C8orf88: variants seen among roughly 807,000 people sequenced by gnomAD.
The protein encoded by C8orf88 is chromosome 8 open reading frame 88.
C8orf88 carries 14 observed loss-of-function variants against 18.4 expected under a neutral mutation model. The observed-to-expected ratio is 0.76, with a 90% CI of 0.50 to 1.19. The LOEUF (loss-of-function observed/expected upper bound fraction) is 1.19, where lower values mean the gene tolerates loss of function less well. Among genes scored for constraint, C8orf88 ranks in the 50% most tolerant of loss-of-function variants. The pLI is 0.00. For missense variants in C8orf88, 116 were observed against 134.7 expected, an observed-to-expected ratio of 0.86 and a Z score of 0.69; for synonymous variants, 45 against 42.9, an observed-to-expected ratio of 1.05 and a Z score of -0.19.
intron 4 of C8orf88, among the ~76,000 whole-genome samples, chr8:90,969,728 A>G (rs1376088838): frequency 1.3e-5 from 2 of 151,920 alleles, no homozygotes; most frequent in Non-Finnish European, 2.9e-5. Flanking sequence ...GTTGCACAAC[A>G]ATTGTGAATG....
chr8:90,973,733 C>T (rs1386308607), intron 3 of C8orf88, among the ~76,000 whole-genome samples: 1 of 152,140 alleles, frequency 6.6e-6, no homozygotes, highest in Non-Finnish European at 1.5e-5. Flanking sequence ...ATCCTCCCAC[C>T]TCAGCCTTCC....
At chr8:90,973,218 C>T (rs934164507) in intron 3 of C8orf88, among the ~76,000 whole-genome samples, 1 of 152,092 alleles carries the variant, frequency 6.6e-6, no homozygotes, top group African/African-American at 2.4e-5. Context: ...CCAGGAAAGG[C>T]TTTACATAGG....
Position 90,980,463 on chromosome 8 carries a change from TAGA to T in C8orf88, c.-26-5_-26-3del. 7.4e-7 allele frequency: 1 copy of T among 1,353,726 alleles called. No homozygotes were observed. Among genetic ancestry groups the T allele is most frequent in the Non-Finnish European group, 1.0e-6 (1 of 997,690 alleles). 83.9% of individuals were successfully genotyped at this position (1,353,726 alleles called of 1,614,324 possible). ...TCACAAAGACTTTGAGGTTCCATACTAGAAGACAAAAAAATACATTTTTATCTT... is the reference window on the plus strand; with the variant it reads ...TCACAAAGACTTTGAGGTTCCATACTAGACAAAAAAATACATTTTTATCTT... On this transcript the variant is annotated splice_polypyrimidine_tract_variant and splice_region_variant and intron_variant, in intron 1 of 5. Transcript: ENST00000517562.
At chr8:90,972,551 T>C (rs1412530028) in intron 3 of C8orf88, among the ~76,000 whole-genome samples, 5 of 152,028 alleles carry the variant, frequency 3.3e-5, no homozygotes, top group South Asian at 2.1e-4. Context: ...TCTGTACATA[T>C]TAAAAACTTA....
chr8:90,973,490 T>C (rs979306892), intron 3 of C8orf88, among the ~76,000 whole-genome samples: 8 of 152,244 alleles, frequency 5.3e-5, no homozygotes, highest in African/African-American at 1.7e-4. Context: ...TTAGACTTTT[T>C]GTATTTTTTT....
At position 90,985,132 on chromosome 8, in the gene C8orf88, G is replaced by A. The variant is rs1442386173; in HGVS notation, c.-45C>T. 6.6e-6 allele frequency: 1 copy of A among 152,136 alleles called. No homozygotes were observed. Among genetic ancestry groups the A allele is most frequent in the African/African-American group, 2.4e-5 (1 of 41,456 alleles). 9.4% of individuals were successfully genotyped at this position (152,136 alleles called of 1,614,324 possible). On this transcript the variant is annotated 5_prime_UTR_variant, in exon 1 of 6. Transcript: ENST00000517562. ...CACTTACCGACTCAAAATCCACGGG[G>A]ATTTCGGGGCAGCAGCGTCGCCGCG...
intron 1 of C8orf88, among the ~76,000 whole-genome samples, chr8:90,984,858 GC>G (rs1245295778): frequency 6.6e-6 from 1 of 152,092 alleles, no homozygotes; most frequent in Non-Finnish European, 1.5e-5. Flanking sequence ...TCGGCCACTT[GC>G]CCCTCCGTCG....
rs975915109 is a variant in C8orf88, at chr8:90,958,530, A to G, written c.*477T>C. 1 of 152,712 alleles carries G rather than the reference A, an allele frequency of 6.5e-6. No individual in the cohort carries two copies. Among genetic ancestry groups the G allele is most frequent in the South Asian group, 2.0e-4 (1 of 4,900 alleles). 9.5% of individuals were successfully genotyped at this position (152,712 alleles called of 1,614,324 possible). On this transcript the variant is annotated 3_prime_UTR_variant, in exon 6 of 6. Coordinates refer to ENST00000517562, the MANE Select transcript of C8orf88 (RefSeq NM_001190972.2). The stretch of plus-strand genomic sequence containing the variant: ...GCATTGAACATTCTGAATCATTCTA[A>G]GCCTCTGGAGAGACTGTAATGATCC...
intron 1 of C8orf88, among the ~76,000 whole-genome samples, chr8:90,981,962 T>C (rs967644983): frequency 3.3e-5 from 5 of 152,160 alleles, no homozygotes; most frequent in Admixed American, 6.5e-5. Flanking sequence ...TAGTAACCCT[T>C]TAAGTTCCCA....
At chr8:90,962,730 C>T (rs752098263) in intron 4 of C8orf88, among the ~76,000 whole-genome samples, 2 of 151,264 alleles carry the variant, frequency 1.3e-5, no homozygotes, top group Non-Finnish European at 3.0e-5. Context: ...CCTGAGGAAC[C>T]ATCTTGAGAA....
chr8:90,968,138 G>A (rs941827354), intron 4 of C8orf88, among the ~76,000 whole-genome samples: 11 of 151,598 alleles, frequency 7.3e-5, no homozygotes, highest in African/African-American at 2.7e-4. Flanking sequence ...AAAGAACAAA[G>A]TTAGAAGACT....
At chr8:90,983,882 G>C (rs1811469121) in intron 1 of C8orf88, among the ~76,000 whole-genome samples, 1 of 152,070 alleles carries the variant, frequency 6.6e-6, no homozygotes, top group Non-Finnish European at 1.5e-5. Context: ...ATTACATGTG[G>C]ACACTGCGTG....
chr8:90,977,362 A>G (rs983516041), intron 3 of C8orf88, among the ~76,000 whole-genome samples: 4 of 152,212 alleles, frequency 2.6e-5, no homozygotes, highest in Non-Finnish European at 5.9e-5. Flanking sequence ...CAAAAAGTTG[A>G]AATTAAGAAT....
At position 90,985,157 on chromosome 8, in the gene C8orf88, G is replaced by C. The variant is rs1327029620; in HGVS notation, c.-70C>G. The C allele has an allele frequency of 2.6e-5, 4 of 151,854 alleles. No individual in the cohort carries two copies. The highest frequency in any genetic ancestry group is 4.4e-5 in the Non-Finnish European group (3 of 67,942). 9.4% of individuals were successfully genotyped at this position (151,854 alleles called of 1,614,324 possible). A position where few individuals can be genotyped will look rare whatever the true frequency, so the allele number is the denominator to read the frequency against. On this transcript the variant is annotated 5_prime_UTR_variant, in exon 1 of 6. Coordinates refer to ENST00000517562, the MANE Select transcript of C8orf88 (RefSeq NM_001190972.2). ...GATTTCGGGGCAGCAGCGTCGCCGC[G>C]CTCAGCCCACACGCGGAGGCCGAGC...
chr8:90,962,614 A>G (rs1811144854), intron 4 of C8orf88, among the ~76,000 whole-genome samples: 1 of 149,258 alleles, frequency 6.7e-6, no homozygotes, highest in Non-Finnish European at 1.5e-5. Flanking sequence ...ATGGCCTTGA[A>G]GACAACAGCC....
At chr8:90,959,919 C>A (rs914710583) in intron 5 of C8orf88, among the ~76,000 whole-genome samples, 1 of 151,358 alleles carries the variant, frequency 6.6e-6, no homozygotes. Flanking sequence ...TTACTAAAAG[C>A]ATAATGAGAG....
At chr8:90,960,911 G>A in intron 4 of C8orf88, 63 bp from the exon 5 acceptor site, 1 of 910,480 alleles carries the variant, frequency 1.1e-6, no homozygotes, top group Non-Finnish European at 1.7e-6. Context: ...TCACTTTTTG[G>A]TTCATTTCTT....
chr8:90,982,350 A>T (rs969427950), intron 1 of C8orf88, among the ~76,000 whole-genome samples: 3 of 152,168 alleles, frequency 2.0e-5, no homozygotes, highest in African/African-American at 7.2e-5. Flanking sequence ...GCTTTATTTG[A>T]TGTTTATCCT....
rs769538837 is a variant in C8orf88 at position 90,971,079 on chromosome 8, A to G, written c.210T>C (p.Ser70=). The G allele has an allele frequency of 6.6e-7, 1 of 1,514,670 alleles. No homozygotes were observed. The highest frequency in any genetic ancestry group is 8.8e-7 in the Non-Finnish European group (1 of 1,134,648). The allele number at this position is 1,514,670 out of a possible 1,614,324, so 93.8% of individuals were successfully genotyped here. ...ATAAAATTTTACCTTTCTTAACTGG[A>G]GACTGCTGTTGCTGTTGCTCATTAA... ...QGLNEQQQQQ[S]PVKKERIKYS... is the part of the protein sequence containing the mutation. The change falls in exon 4 of 6, where the codon TCT becomes TCC. Residue 70 remains serine (S), a synonymous_variant. Transcript: ENST00000517562.
Sources: gnomAD v4.1 joint callset for allele counts (sites outside exome capture counted in the v4.1 genomes callset) on GRCh38, gnomAD v4.1.1 for gene constraint, MANE v1.5 for transcripts, NCBI Gene and HGNC (gene_info 2026-07-23, HGNC 2026-07-21) for gene names.